UACA: variants seen among roughly 807,000 people sequenced by gnomAD.
The protein encoded by UACA is uveal autoantigen with coiled-coil domains and ankyrin repeats.
Under a neutral mutation model 160.5 loss-of-function variants are expected in UACA, and 112 were observed. That is an observed-to-expected ratio of 0.70 (90% CI 0.60 to 0.82). UACA has a LOEUF of 0.82. UACA is among the 40% of genes least tolerant of loss of function. UACA has a pLI of 0.00. For missense variants in UACA, 1,574 were observed against 1,614.6 expected, an observed-to-expected ratio of 0.97 and a Z score of 0.43; for synonymous variants, 557 against 568.4, an observed-to-expected ratio of 0.98 and a Z score of 0.29.
intron 1 of UACA, among the ~76,000 whole-genome samples, chr15:70,715,988 C>T (rs376952797): frequency 6.6e-6 from 1 of 152,162 alleles, no homozygotes; most frequent in East Asian, 1.9e-4. Flanking sequence ...GTGGATGATG[C>T]AGCCACTATC....
chr15:70,737,856 T>C (rs145222327), intron 1 of UACA, among the ~76,000 whole-genome samples: 6 of 152,350 alleles, frequency 3.9e-5, no homozygotes, highest in Non-Finnish European at 7.4e-5. Context: ...AAAGTAGAAG[T>C]GGAGCATCAG....
intron 2 of UACA, among the ~76,000 whole-genome samples, chr15:70,697,310 G>A (rs1898164378): frequency 1.3e-5 from 2 of 152,218 alleles, no homozygotes; most frequent in South Asian, 4.1e-4. Flanking sequence ...AACATTTGCT[G>A]ATTCCAGAGA....
rs1330429019 is a variant in UACA at position 70,749,694 on chromosome 15, G to A, written c.78+13636C>T. Among the ~76,000 whole-genome samples the A allele has an allele frequency of 5.5e-4, 33 of 60,428 alleles. No homozygotes were observed. In the East Asian group the frequency reaches 9.4e-3, roughly 17 times the overall value. The allele number at this position is 60,428 out of a possible 152,430, so 39.6% of individuals were successfully genotyped here. A position where few individuals can be genotyped will look rare whatever the true frequency, so the allele number is the denominator to read the frequency against. On this transcript the variant is annotated intron_variant, in intron 1 of 18. Transcript: ENST00000322954. Reference sequence around the variant, plus strand: ...AGCCTGGGCGACAGAGGAAGACTCCGTCTCAAAAAAAAAAAAAAAAAAAAA... The same window carrying A: ...AGCCTGGGCGACAGAGGAAGACTCCATCTCAAAAAAAAAAAAAAAAAAAAA...
chr15:70,670,055 G>A (rs79660865), intron 15 of UACA, among the ~76,000 whole-genome samples: 1 of 152,140 alleles, frequency 6.6e-6, no homozygotes, highest in Non-Finnish European at 1.5e-5. Flanking sequence ...GTTGTCAAGA[G>A]AATGATTGGT....
At chr15:70,671,526 G>A (rs1258633093) in intron 14 of UACA, 1 of 157,992 alleles carries the variant, frequency 6.3e-6, no homozygotes, top group Non-Finnish European at 1.4e-5. Flanking sequence ...TAGAGAAACT[G>A]TTTAACATTG....
chr15:70,721,055 A>T (rs1467710016), intron 1 of UACA, among the ~76,000 whole-genome samples: 1 of 152,240 alleles, frequency 6.6e-6, no homozygotes, highest in Non-Finnish European at 1.5e-5. Context: ...CAAACCACCA[A>T]GATTTGGAGA....
In UACA at chr15:70,669,471, A is replaced by T; in HGVS notation, c.1222-9T>A. 2 of 809,480 alleles carry T rather than the reference A, an allele frequency of 2.5e-6. No homozygotes were observed. The highest frequency in any genetic ancestry group is 3.1e-5 in the South Asian group (1 of 32,168). 50.1% of individuals were successfully genotyped at this position (809,480 alleles called of 1,614,324 possible). A position where few individuals can be genotyped will look rare whatever the true frequency, so the allele number is the denominator to read the frequency against. On this transcript the variant is annotated splice_polypyrimidine_tract_variant and intron_variant, in intron 15 of 18. Coordinates refer to ENST00000322954, the MANE Select transcript of UACA (RefSeq NM_018003.4). ...ATACCTGGGGAAGTACACTGAAAAG[A>T]AAAAAAAAAAGACATCAATCACAAA...
intron 11 of UACA, 135 bp from the exon 12 acceptor site, chr15:70,677,275 G>A (rs1382585702): frequency 5.1e-6 from 3 of 592,232 alleles, no homozygotes; most frequent in East Asian, 3.0e-5. Flanking sequence ...AGAAAATTAT[G>A]TACAATTCTG....
intron 14 of UACA, chr15:70,671,527 T>C (rs1486967085): frequency 6.3e-6 from 1 of 158,230 alleles, no homozygotes; most frequent in Admixed American, 6.5e-5. Context: ...AGAGAAACTG[T>C]TTAACATTGC....
At chr15:70,665,519 T>C (rs1024720784) in intron 16 of UACA, among the ~76,000 whole-genome samples, 5 of 152,086 alleles carry the variant, frequency 3.3e-5, no homozygotes, top group Non-Finnish European at 5.9e-5. Flanking sequence ...GGCAGGAAGA[T>C]TGTTTAAACT....
intron 1 of UACA, among the ~76,000 whole-genome samples, chr15:70,700,242 C>G (rs185639889): frequency 3.0e-4 from 44 of 149,054 alleles, no homozygotes; most frequent in African/African-American, 9.9e-4. Flanking sequence ...AACTACCCCC[C>G]CCCAACACAG....
At chr15:70,690,658 T>C in intron 4 of UACA, 147 bp from the exon 5 acceptor site, 1 of 615,786 alleles carries the variant, frequency 1.6e-6, no homozygotes. Context: ...TGAAATATGC[T>C]GACATGGAAC....
chr15:70,658,590 TA>T (rs1896566488), intron 18 of UACA, among the ~76,000 whole-genome samples: 1 of 152,222 alleles, frequency 6.6e-6, no homozygotes, highest in South Asian at 2.1e-4. Context: ...GTATCTTTTT[TA>T]CATGCATGTT....
chr15:70,697,560 T>A (rs2140962408), intron 2 of UACA, among the ~76,000 whole-genome samples: 1 of 152,370 alleles, frequency 6.6e-6, no homozygotes, highest in South Asian at 2.1e-4. Flanking sequence ...AAGCACATGT[T>A]CTTTTGTCTT....
chr15:70,710,472 T>G (rs1299398993), intron 1 of UACA, among the ~76,000 whole-genome samples: 1 of 152,032 alleles, frequency 6.6e-6, no homozygotes, highest in Non-Finnish European at 1.5e-5. Flanking sequence ...TCCTACAATT[T>G]AACTCATTTT....
rs772579838 is a variant in UACA, at chr15:70,678,195, A to C, written c.903T>G (p.Ile301Met). ...REHQNIQDLE[I>M]ENEDLKERLR... is the part of the protein sequence containing the mutation. ...ACCTCTCTTTCAAATCTTCATTTTC[A>C]ATCTCCAAATCCTTAAATAATAAAG... Residue 301 changes from isoleucine to methionine, a missense_variant, in exon 11 of 19, where the codon ATT (isoleucine) becomes ATG (methionine). Physicochemically the swap from Ile to Met is conservative, Grantham distance 10 (BLOSUM62 1). Transcript: ENST00000322954. 2 of 1,607,246 alleles carry C rather than the reference A, an allele frequency of 1.2e-6. No individual in the cohort carries two copies.
At chr15:70,664,427 A>C (rs1247838376) in intron 17 of UACA, among the ~76,000 whole-genome samples, 2 of 152,190 alleles carry the variant, frequency 1.3e-5, no homozygotes, top group Non-Finnish European at 2.9e-5. Context: ...ATCATGATGA[A>C]GATAAAGTTT....
Position 70,668,640 on chromosome 15 carries a change from C to A in UACA, c.2044G>T (p.Val682Phe). The change falls in exon 16 of 19, where the codon GTC (valine) becomes TTC (phenylalanine). Residue 682 changes from valine (V) to phenylalanine (F), a missense_variant. Val to Phe is a conservative substitution (Grantham distance 50). Coordinates refer to ENST00000322954, the MANE Select transcript of UACA (RefSeq NM_018003.4). The stretch of plus-strand genomic sequence containing the variant: ...ACCTGTTCATGTTCCTCTGGTTTGA[C>A]GTGCTGAGCAAGCTTGGCCTTAACA... ...ENVKAKLAQH[V>F]KPEEHEQVKS... The A allele has an allele frequency of 6.2e-7, 1 of 1,613,974 alleles. No individual in the cohort carries two copies. The highest frequency in any genetic ancestry group is 1.6e-4 in the Middle Eastern group (1 of 6,062).
chr15:70,713,120 G>A (rs1331335658), intron 1 of UACA, among the ~76,000 whole-genome samples: 7 of 152,098 alleles, frequency 4.6e-5, no homozygotes, highest in Non-Finnish European at 1.0e-4. Context: ...CGAGGCGGGC[G>A]GATCATGAGG....
Sources: gnomAD v4.1 joint callset for allele counts (sites outside exome capture counted in the v4.1 genomes callset) on GRCh38, gnomAD v4.1.1 for gene constraint, MANE v1.5 for transcripts, NCBI Gene and HGNC (gene_info 2026-07-23, HGNC 2026-07-21) for gene names.